Variants in LDB2 observed in about 807,000 individuals in gnomAD.
LDB2 encodes the protein LIM domain binding 2, also known as LIM domain-binding protein 2.
Under a neutral mutation model 44.3 loss-of-function variants are expected in LDB2, and 12 were observed. That is an observed-to-expected ratio of 0.27 (90% CI 0.17 to 0.44). The LOEUF (loss-of-function observed/expected upper bound fraction) is 0.44, where lower values mean the gene tolerates loss of function less well. Among genes scored for constraint, LDB2 ranks in the 20% least tolerant of loss-of-function variants. The pLI, the probability that LDB2 is intolerant of heterozygous loss-of-function variation, is 1.00. For missense variants in LDB2, 344 were observed against 473.5 expected, an observed-to-expected ratio of 0.73 and a Z score of 2.54; for synonymous variants, 164 against 174.8, an observed-to-expected ratio of 0.94 and a Z score of 0.49.
At chr4:16,630,611 G>A (rs1052167777) in intron 2 of LDB2, among the ~76,000 whole-genome samples, 6 of 152,116 alleles carry the variant, frequency 3.9e-5, no homozygotes, top group South Asian at 4.1e-4. Context: ...ATGTAAATGC[G>A]CTAAATGCCC....
intron 2 of LDB2, among the ~76,000 whole-genome samples, chr4:16,612,519 A>T (rs908217601): frequency 2.6e-5 from 4 of 152,204 alleles, no homozygotes; most frequent in Admixed American, 2.0e-4. Context: ...GTAAAAAAAG[A>T]TAAAGGGGAT....
intron 1 of LDB2, among the ~76,000 whole-genome samples, chr4:16,890,469 T>C (rs1723050355): frequency 6.6e-6 from 1 of 152,162 alleles, no homozygotes; most frequent in African/African-American, 2.4e-5. Flanking sequence ...GCCAAATCCT[T>C]AACGCTAAGC....
intron 2 of LDB2, among the ~76,000 whole-genome samples, chr4:16,668,933 G>C (rs1235306562): frequency 6.6e-6 from 1 of 152,082 alleles, no homozygotes; most frequent in Non-Finnish European, 1.5e-5. Context: ...TTTTCCAATC[G>C]CTCCTGCTAC....
chr4:16,519,498 A>C (rs924911432), intron 5 of LDB2, among the ~76,000 whole-genome samples: 2 of 151,906 alleles, frequency 1.3e-5, no homozygotes, highest in Non-Finnish European at 2.9e-5. Flanking sequence ...CTTCTAAGAT[A>C]CCAAGTTCAA....
At chr4:16,815,084 G>A (rs1033956005) in intron 1 of LDB2, among the ~76,000 whole-genome samples, 1 of 152,184 alleles carries the variant, frequency 6.6e-6, no homozygotes, top group Non-Finnish European at 1.5e-5. Context: ...TCACAAAGCA[G>A]GAGAGCATGA....
chr4:16,833,550 T>TA (rs1784392359), intron 1 of LDB2, among the ~76,000 whole-genome samples: 1 of 150,994 alleles, frequency 6.6e-6, no homozygotes, highest in Non-Finnish European at 1.5e-5. Flanking sequence ...TCCTCTTTTT[T>TA]TTTTTTTTTT....
chr4:16,720,402 C>T (rs1443650997), intron 2 of LDB2, among the ~76,000 whole-genome samples: 2 of 152,150 alleles, frequency 1.3e-5, no homozygotes, highest in Non-Finnish European at 2.9e-5. Context: ...TCTCCATTGG[C>T]CTGCCAAATA....
chr4:16,614,580 CAA>C lies in LDB2; in HGVS notation c.236-18707_236-18706del, dbSNP rs1164613202. On this transcript the variant is annotated intron_variant, in intron 2 of 7. Transcript: ENST00000304523. ...ACTTAAACACATTTACAAGAAAAAA[CAA>C]AAAAAAAAAAAAAAAAAAACAAGCA... Among the ~76,000 whole-genome samples the C allele has an allele frequency of 3.0e-4, 16 of 53,806 alleles. 1 individual carries two copies. In the South Asian group the frequency reaches 0.012, roughly 41 times the overall value. 35.3% of individuals were successfully genotyped at this position (53,806 alleles called of 152,430 possible).
chr4:16,534,088 G>A (rs1011781931), intron 5 of LDB2, among the ~76,000 whole-genome samples: 7 of 152,132 alleles, frequency 4.6e-5, no homozygotes, highest in Admixed American at 3.9e-4. Flanking sequence ...GGGGGCAGGG[G>A]TGTCCAGCAG....
chr4:16,707,107 A>C (rs1160054225), intron 2 of LDB2, among the ~76,000 whole-genome samples: 3 of 152,168 alleles, frequency 2.0e-5, no homozygotes, highest in Admixed American at 2.0e-4. Flanking sequence ...CCATTTACTT[A>C]ATTTGGGAAC....
intron 2 of LDB2, among the ~76,000 whole-genome samples, chr4:16,670,427 TG>T (rs1179141656): frequency 2.0e-5 from 3 of 152,196 alleles, no homozygotes; most frequent in African/African-American, 4.8e-5. Flanking sequence ...TCCCCACCAC[TG>T]GGGTCATTGC....
intron 5 of LDB2, among the ~76,000 whole-genome samples, chr4:16,525,357 T>C (rs766224631): frequency 4.6e-5 from 7 of 152,224 alleles, no homozygotes; most frequent in East Asian, 1.9e-4. Flanking sequence ...TCTCCAGCTC[T>C]GCTCTGACGC....
chr4:16,898,137 G>A (rs1207922494), intron 1 of LDB2, among the ~76,000 whole-genome samples: 2 of 151,784 alleles, frequency 1.3e-5, no homozygotes, highest in South Asian at 4.2e-4. Flanking sequence ...GTGCTGGGTT[G>A]TCTCAAGATT....
At chr4:16,605,194 T>C (rs1723594025) in intron 2 of LDB2, among the ~76,000 whole-genome samples, 1 of 152,218 alleles carries the variant, frequency 6.6e-6, no homozygotes, top group African/African-American at 2.4e-5. Flanking sequence ...TTAGTGATCA[T>C]GAATGGCACT....
chr4:16,617,655 C>T (rs967431802), intron 2 of LDB2, among the ~76,000 whole-genome samples: 5 of 152,122 alleles, frequency 3.3e-5, no homozygotes, highest in Non-Finnish European at 7.3e-5. Flanking sequence ...AAGAGCTACA[C>T]ATGGAAGGTT....
At chr4:16,812,570 G>A (rs1167167526) in intron 1 of LDB2, among the ~76,000 whole-genome samples, 1 of 121,662 alleles carries the variant, frequency 8.2e-6, no homozygotes, top group Non-Finnish European at 1.6e-5. Context: ...CTTGAGGCTG[G>A]AATCAATGAA....
intron 1 of LDB2, among the ~76,000 whole-genome samples, chr4:16,794,145 C>A (rs557287787): frequency 6.6e-6 from 1 of 152,212 alleles, no homozygotes; most frequent in South Asian, 2.1e-4. Flanking sequence ...GACCTTAAAG[C>A]CCACAACAAG....
intron 1 of LDB2, among the ~76,000 whole-genome samples, chr4:16,813,388 G>C (rs1377279164): frequency 6.6e-6 from 1 of 152,124 alleles, no homozygotes; most frequent in Non-Finnish European, 1.5e-5. Flanking sequence ...TCTTCAATGA[G>C]AGCCCAATGC....
chr4:16,884,689 C>T (rs1721132740), intron 1 of LDB2, among the ~76,000 whole-genome samples: 1 of 152,182 alleles, frequency 6.6e-6, no homozygotes, highest in Admixed American at 6.5e-5. Context: ...ACTCTGCCCT[C>T]TTCGTCTCTA....
Sources: allele counts gnomAD v4.1 joint callset (sites outside exome capture counted in the v4.1 genomes callset), GRCh38; gene constraint gnomAD v4.1.1; transcripts MANE v1.5; gene names NCBI Gene and HGNC (gene_info 2026-07-23, HGNC 2026-07-21).